COLEC10: variants seen among roughly 807,000 people sequenced by gnomAD.
The protein encoded by COLEC10 is collectin-10.
Under a neutral mutation model 28.4 loss-of-function variants are expected in COLEC10, and 22 were observed. That is an observed-to-expected ratio of 0.78 (90% CI 0.55 to 1.11). COLEC10 has a LOEUF of 1.11. Ranked by LOEUF, COLEC10 falls within the 50% of genes least tolerant of loss-of-function variation. COLEC10 has a pLI of 0.00. For missense variants in COLEC10, 361 were observed against 344.1 expected (o/e 1.05, Z -0.39); for synonymous variants, 125 against 116.1 (o/e 1.08, Z -0.49).
intron 2 of COLEC10, among the ~76,000 whole-genome samples, chr8:119,024,548 A>G (rs113411854): frequency 1.3e-5 from 2 of 148,440 alleles, no homozygotes; most frequent in Non-Finnish European, 3.0e-5. Flanking sequence ...ACACATACAT[A>G]TGCATACATG....
chr8:118,991,580 G>A (rs1375862577), upstream of COLEC10, among the ~76,000 whole-genome samples: 1 of 152,038 alleles, frequency 6.6e-6, no homozygotes, highest in African/African-American at 2.4e-5. Context: ...CGAAACCCCT[G>A]GTCTATGCAC....
At chr8:119,103,081 T>C (rs928809546) in intron 4 of COLEC10, among the ~76,000 whole-genome samples, 1 of 152,180 alleles carries the variant, frequency 6.6e-6, no homozygotes, top group Admixed American at 6.5e-5. Context: ...AATGTTTGTG[T>C]ATAACAGCCA....
At chr8:119,005,417 G>A (rs1813776606) in intron 1 of COLEC10, among the ~76,000 whole-genome samples, 1 of 151,988 alleles carries the variant, frequency 6.6e-6, no homozygotes, top group Non-Finnish European at 1.5e-5. Flanking sequence ...TCTTTCCCCA[G>A]GGCTTCTCTG....
chr8:118,992,177 A>T (rs1411971833), upstream of COLEC10, among the ~76,000 whole-genome samples: 1 of 152,184 alleles, frequency 6.6e-6, no homozygotes, highest in African/African-American at 2.4e-5. Context: ...TATCGGAATC[A>T]CAGCAGTCTA....
At chr8:119,039,005 A>C (rs538296270) in intron 2 of COLEC10, among the ~76,000 whole-genome samples, 18 of 152,252 alleles carry the variant, frequency 1.2e-4, no homozygotes, top group Non-Finnish European at 2.6e-4. Flanking sequence ...TACTATTAGC[A>C]TTAAATGGTA....
At chr8:119,093,559 A>G (rs1449899954) in intron 3 of COLEC10, among the ~76,000 whole-genome samples, 3 of 152,206 alleles carry the variant, frequency 2.0e-5, no homozygotes, top group African/African-American at 7.2e-5. Context: ...GATGCTGATA[A>G]AAGCCACAGC....
chr8:119,039,881 G>T (rs542959213), intron 2 of COLEC10, among the ~76,000 whole-genome samples: 1 of 152,006 alleles, frequency 6.6e-6, no homozygotes, highest in African/African-American at 2.4e-5. Flanking sequence ...TAGACAATCC[G>T]GGATAATCTC....
intron 3 of COLEC10, among the ~76,000 whole-genome samples, chr8:119,097,055 C>G (rs1815734333): frequency 6.6e-6 from 1 of 152,000 alleles, no homozygotes; most frequent in Non-Finnish European, 1.5e-5. Flanking sequence ...ATAGAAATTT[C>G]AACAACATGA....
intron 1 of COLEC10, among the ~76,000 whole-genome samples, chr8:119,004,230 G>A (rs6469795): frequency 0.58 from 88,626 of 151,712 alleles, 26,580 homozygotes; most frequent in African/African-American, 0.72. Flanking sequence ...CTAGTTGAGC[G>A]TGGATCCCAA....
intron 1 of COLEC10, among the ~76,000 whole-genome samples, chr8:119,085,599 CTT>C (rs66829005): frequency 0.035 from 2,240 of 63,472 alleles, 31 homozygotes; most frequent in South Asian, 0.09. Flanking sequence ...TCTTCTTCTT[CTT>C]TTTTTTTTTT....
chr8:118,991,762 T>A (rs142334928), upstream of COLEC10, among the ~76,000 whole-genome samples: 1 of 152,044 alleles, frequency 6.6e-6, no homozygotes, highest in African/African-American at 2.4e-5. Context: ...AAGGAGAAAA[T>A]TGATATTAAT....
chr8:119,020,136 C>T (rs986428693), intron 2 of COLEC10, among the ~76,000 whole-genome samples: 1 of 152,050 alleles, frequency 6.6e-6, no homozygotes, highest in Non-Finnish European at 1.5e-5. Context: ...TTATCCTGGC[C>T]TACCAAGTCC....
At chr8:119,019,479 G>A (rs75843194) in intron 2 of COLEC10, among the ~76,000 whole-genome samples, 18 of 152,070 alleles carry the variant, frequency 1.2e-4, no homozygotes, top group Non-Finnish European at 2.4e-4. Context: ...ATGGTCTTCC[G>A]TCTTCCTGGA....
At chr8:119,102,267 C>CCCTT (rs1385034987) in intron 3 of COLEC10, 81 bp from the exon 4 acceptor site, 13 of 444,156 alleles carry the variant, frequency 2.9e-5, no homozygotes, top group Non-Finnish European at 4.2e-5. Flanking sequence ...TTCCTTCATT[C>CCCTT]CCTTCCTTCC....
chr8:118,986,411 T>C, the COLEC10 span, among the ~76,000 whole-genome samples: 1 of 152,240 alleles, frequency 6.6e-6, no homozygotes, highest in Admixed American at 6.5e-5. Context: ...ACAATGTGAT[T>C]GAAAATGCAG....
At chr8:118,964,846 G>C in the COLEC10 span, among the ~76,000 whole-genome samples, 4 of 152,276 alleles carry the variant, frequency 2.6e-5, no homozygotes, top group East Asian at 3.9e-4. Context: ...ACCAGATACT[G>C]TTCCGTAAGT....
chr8:119,067,294 G>T lies in COLEC10; in HGVS notation c.13G>T (p.Ala5Ser). The change falls in exon 1 of 6, where the codon GCA (alanine) becomes TCA (serine). Residue 5 changes from alanine to serine, a missense_variant. Transcript: ENST00000332843. MNGF[A>S]SLLRRNQFIL... ...AGGAACCACAGCAATGAATGGCTTT[G>T]CATCCTTGCTTCGAAGAAACCAATT... 1 of 1,613,802 alleles carries T rather than the reference G, an allele frequency of 6.2e-7. No individual in the cohort carries two copies.
At chr8:119,068,212 C>T (rs1222156146) in intron 1 of COLEC10, 1 of 152,064 alleles carries the variant, frequency 6.6e-6, no homozygotes, top group Non-Finnish European at 1.5e-5. Context: ...ATTGCAGCTG[C>T]CTAAAATTTT....
Position 119,019,065 on chromosome 8 carries a change from A to G in COLEC10, n.235+9512A>G, listed in dbSNP as rs1362369572. Reference sequence around the variant, plus strand: ...CCCCTTCTGCAGTTACCCGCATCCAACAACTCCCAGAGCTCAGGATTTTCT... The same window carrying G: ...CCCCTTCTGCAGTTACCCGCATCCAGCAACTCCCAGAGCTCAGGATTTTCT... On this transcript the variant is annotated intron_variant and non_coding_transcript_variant, in intron 2 of 6. Coordinates refer to the COLEC10 transcript ENST00000521788. 2.6e-5 allele frequency among the ~76,000 whole-genome samples: 4 copies of G among 151,836 alleles called. No individual in the cohort carries two copies. The South Asian group carries it at 8.3e-4, about 31-fold the overall frequency.
Sources: gnomAD v4.1 joint callset for allele counts (sites outside exome capture counted in the v4.1 genomes callset) on GRCh38, gnomAD v4.1.1 for gene constraint, MANE v1.5 for transcripts, NCBI Gene and HGNC (gene_info 2026-07-23, HGNC 2026-07-21) for gene names.